Variants in FGF12 observed in about 807,000 individuals in gnomAD.
FGF12 encodes fibroblast growth factor 12B.
A neutral mutation model predicts 23.6 loss-of-function variants in FGF12; 14 were observed. The ratio of observed to expected loss-of-function variants is 0.59; its 90% CI spans 0.39 to 0.93. The LOEUF (loss-of-function observed/expected upper bound fraction) is 0.93. Ranked by LOEUF, FGF12 falls within the 40% of genes least tolerant of loss-of-function variation. The pLI is 0.00. For synonymous variants in FGF12, 62 were observed against 77.3 expected (o/e 0.80, Z 1.04); for missense variants, 175 against 217.8 (o/e 0.80, Z 1.24).
intron 4 of FGF12, among the ~76,000 whole-genome samples, chr3:192,213,646 C>G (rs933316480): frequency 2.0e-5 from 3 of 152,138 alleles, no homozygotes; most frequent in Non-Finnish European, 4.4e-5. Flanking sequence ...TTTTAACTGC[C>G]TCATTTCAGG....
chr3:192,164,830 A>G (rs969437021), intron 5 of FGF12, among the ~76,000 whole-genome samples: 2 of 152,212 alleles, frequency 1.3e-5, no homozygotes, highest in African/African-American at 4.8e-5. Context: ...TGGTTAACCC[A>G]TTAGCAGCAA....
Position 192,367,613 on chromosome 3 carries a change from AC to A in FGF12, c.14-7076del, listed in dbSNP as rs1240695211. ...AGAACTTACCTGGACTTTTGAACAC[AC>A]TGAAAAATTGCAACTCTACTGATCT... On this transcript the variant is annotated intron_variant, in intron 2 of 5. Transcript: ENST00000445105. Among the ~76,000 whole-genome samples, 2 of 152,200 alleles carry A rather than the reference AC, an allele frequency of 1.3e-5. 1 individual carries two copies. Among genetic ancestry groups the A allele is most frequent in the African/African-American group, 4.8e-5 (2 of 41,468 alleles).
At chr3:192,546,341 T>C (rs1189754989) in intron 2 of FGF12, among the ~76,000 whole-genome samples, 1 of 152,100 alleles carries the variant, frequency 6.6e-6, no homozygotes, top group East Asian at 1.9e-4. Context: ...ATACTTTAGG[T>C]GCAAACCACA....
intron 2 of FGF12, among the ~76,000 whole-genome samples, chr3:192,488,825 G>A (rs143304855): frequency 1.4e-4 from 22 of 152,028 alleles, no homozygotes; most frequent in African/African-American, 4.8e-4. Flanking sequence ...TACATACTTC[G>A]GCTTTGAAAC....
At chr3:192,249,886 G>A (rs559083486) in intron 4 of FGF12, among the ~76,000 whole-genome samples, 1 of 152,200 alleles carries the variant, frequency 6.6e-6, no homozygotes, top group South Asian at 2.1e-4. Flanking sequence ...CTTTCAAGCA[G>A]TTTGCATCAA....
At chr3:192,249,559 T>C (rs1314174092) in intron 4 of FGF12, among the ~76,000 whole-genome samples, 2 of 152,124 alleles carry the variant, frequency 1.3e-5, no homozygotes, top group African/African-American at 4.8e-5. Context: ...TCTCAACACG[T>C]AGAATCAGGG....
intron 2 of FGF12, among the ~76,000 whole-genome samples, chr3:192,380,704 A>G (rs944057088): frequency 1.1e-4 from 16 of 152,128 alleles, no homozygotes; most frequent in Admixed American, 9.8e-4. Context: ...TAGATTTCAT[A>G]GCACATTGTT....
chr3:192,550,389 G>A (rs1431966653), intron 2 of FGF12, among the ~76,000 whole-genome samples: 1 of 149,142 alleles, frequency 6.7e-6, no homozygotes, highest in East Asian at 2.0e-4. Context: ...AATATATAAT[G>A]TAATTACATA....
chr3:192,453,010 C>T (rs1046792520), intron 2 of FGF12, among the ~76,000 whole-genome samples: 5 of 152,130 alleles, frequency 3.3e-5, no homozygotes, highest in Non-Finnish European at 4.4e-5. Context: ...TTTTCAGTTA[C>T]TTGTTTTCTC....
intron 4 of FGF12, among the ~76,000 whole-genome samples, chr3:192,280,642 C>T (rs1714089786): frequency 6.6e-6 from 1 of 152,080 alleles, no homozygotes; most frequent in Admixed American, 6.6e-5. Flanking sequence ...CACAACGAAC[C>T]CATATCTAGG....
chr3:192,494,348 G>C (rs1723886146), intron 2 of FGF12, among the ~76,000 whole-genome samples: 1 of 152,178 alleles, frequency 6.6e-6, no homozygotes, highest in Admixed American at 6.5e-5. Context: ...AAGTTGATAA[G>C]CAGCCAAAAC....
At chr3:192,366,933 A>T (rs1053762218) in intron 2 of FGF12, among the ~76,000 whole-genome samples, 1 of 152,200 alleles carries the variant, frequency 6.6e-6, no homozygotes, top group African/African-American at 2.4e-5. Flanking sequence ...TGCAGATTAA[A>T]AAGAACTTTC....
intron 4 of FGF12, among the ~76,000 whole-genome samples, chr3:192,335,037 G>A (rs575741988): frequency 9.9e-5 from 15 of 152,188 alleles, no homozygotes; most frequent in African/African-American, 3.4e-4. Context: ...ATGCTTAAAG[G>A]AGAGATAACA....
At chr3:192,430,602 ACT>A (rs1268566895) in intron 2 of FGF12, among the ~76,000 whole-genome samples, 3 of 152,294 alleles carry the variant, frequency 2.0e-5, no homozygotes, top group African/African-American at 7.2e-5. Flanking sequence ...TTTGATTACC[ACT>A]CTCTAAATAG....
intron 2 of FGF12, among the ~76,000 whole-genome samples, chr3:192,391,228 G>A (rs1054684863): frequency 1.3e-5 from 2 of 152,162 alleles, no homozygotes; most frequent in African/African-American, 4.8e-5. Flanking sequence ...AATATGCTCA[G>A]AACTCTTAAA....
intron 2 of FGF12, among the ~76,000 whole-genome samples, chr3:192,389,951 T>C (rs890079147): frequency 6.6e-6 from 1 of 152,262 alleles, no homozygotes; most frequent in African/African-American, 2.4e-5. Flanking sequence ...AATGGCACTA[T>C]GGTAACCCAG....
chr3:192,148,110 G>T (rs1459588953), intron 5 of FGF12, among the ~76,000 whole-genome samples: 2 of 152,036 alleles, frequency 1.3e-5, no homozygotes, highest in African/African-American at 2.4e-5. Flanking sequence ...CCAACTGTAG[G>T]TGTACACTCA....
Position 192,514,661 on chromosome 3 carries a change from T to G in FGF12, c.14-154123A>C. ...TTTGGGGGCTGGGGAAAGAACATTT[T>G]CTCACCACTTGGGCTGTCGCTGGAC... On this transcript the variant is annotated intron_variant, in intron 2 of 5. Transcript: ENST00000445105. The surrounding 1 kb of genome is among the most constrained non-coding windows in gnomAD (Gnocchi z 4.9). 1.0e-6 allele frequency: 1 copy of G among 983,590 alleles called. No homozygotes were observed. Among genetic ancestry groups the G allele is most frequent in the Non-Finnish European group, 1.2e-6 (1 of 828,328 alleles). 60.9% of individuals were successfully genotyped at this position (983,590 alleles called of 1,614,324 possible). A position where few individuals can be genotyped will look rare whatever the true frequency, so the allele number is the denominator to read the frequency against.
At chr3:192,499,164 G>A (rs11709109) in intron 2 of FGF12, among the ~76,000 whole-genome samples, 20,069 of 151,968 alleles carry the variant, frequency 0.13, 1,608 homozygotes, top group African/African-American at 0.22. Flanking sequence ...TTTACGCTTT[G>A]GACGTACACT....
Sources: gnomAD v4.1 joint callset for allele counts (sites outside exome capture counted in the v4.1 genomes callset) on GRCh38, gnomAD v4.1.1 for gene constraint, Gnocchi (gnomAD v3.1) non-coding constraint, MANE v1.5 for transcripts, NCBI Gene and HGNC (gene_info 2026-07-23, HGNC 2026-07-21) for gene names.